ZNF559: variants seen among roughly 807,000 people sequenced by gnomAD.
The protein encoded by ZNF559 is zinc finger protein 559.
ZNF559 carries 17 observed loss-of-function variants against 14.2 expected under a neutral mutation model. That is an observed-to-expected ratio of 1.20 (90% CI 0.82 to 1.80). The LOEUF (loss-of-function observed/expected upper bound fraction) is 1.80, where lower values mean the gene tolerates loss of function less well. ZNF559 is among the 40% of genes most tolerant of loss of function. The pLI is 0.00. For missense variants in ZNF559, 740 were observed against 629.7 expected, an observed-to-expected ratio of 1.18 and a Z score of -1.88; for synonymous variants, 244 against 212.4, an observed-to-expected ratio of 1.15 and a Z score of -1.29.
At chr19:9,324,166 T>G (rs1381308560), upstream of ZNF559, 1 of 1,535,956 alleles carries the variant, frequency 6.5e-7, no homozygotes, top group Non-Finnish European at 8.7e-7. Flanking sequence ...GCGCGGCGTG[T>G]CTGCGTGGGC....
chr19:9,337,198 G>C (rs1177246829), intron 2 of ZNF559, among the ~76,000 whole-genome samples: 1 of 152,152 alleles, frequency 6.6e-6, no homozygotes, highest in Non-Finnish European at 1.5e-5. Context: ...CTTATGCCCA[G>C]CCCCTCAACA....
At chr19:9,338,167 C>G in intron 3 of ZNF559, 1 of 747,760 alleles carries the variant, frequency 1.3e-6, no homozygotes, top group Non-Finnish European at 2.2e-6. Flanking sequence ...GGTCTAAATC[C>G]TGGGATTTGG....
chr19:9,325,832 T>G (rs1021993325), intron 2 of ZNF559, among the ~76,000 whole-genome samples: 6 of 152,162 alleles, frequency 3.9e-5, no homozygotes, highest in Admixed American at 6.5e-5. Context: ...ATTCACTAGT[T>G]GTTAAGATTT....
In ZNF559 at chr19:9,341,124, CA is replaced by C. The variant is rs1290221254; in HGVS notation, c.186del (p.Lys62AsnfsTer39). ...CAGATTGGGAGAGTCATATTAATACCAAATGGTCAGCACCTCAGCAGAATTT... is the reference window on the plus strand; with the variant it reads ...CAGATTGGGAGAGTCATATTAATACCAATGGTCAGCACCTCAGCAGAATTT... The part of the protein sequence containing the change: ...AVDWESHINT[K>X]WSAPQQNFLQ... On this transcript the variant is annotated frameshift_variant, in exon 6 of 7. Transcript: ENST00000603380. LOFTEE classifies it high-confidence loss of function. 3 of 1,612,446 alleles carry C rather than the reference CA, an allele frequency of 1.9e-6. No individual in the cohort carries two copies. In the Admixed American group the frequency reaches 5.0e-5, roughly 27 times the overall value.
At position 9,330,732 on chromosome 19, in the gene ZNF559, G is replaced by A. The variant is rs561785504; in HGVS notation, c.-120+5952G>A. Among the ~76,000 whole-genome samples the A allele has an allele frequency of 4.6e-5, 7 of 152,184 alleles. No individual in the cohort carries two copies. In the South Asian group the frequency reaches 1.0e-3, roughly 23 times the overall value. ...TGACCTATAGTTATGTATCTCTGCT[G>A]TCATTTAACTCACTGATCTTTAAGA... On this transcript the variant is annotated intron_variant, in intron 2 of 6. Transcript: ENST00000603380.
rs2066484821 is a variant in ZNF559 at position 9,324,760 on chromosome 19, T to A, written c.-140T>A. 2.6e-6 allele frequency: 4 copies of A among 1,535,920 alleles called. No individual in the cohort carries two copies. Among genetic ancestry groups the A allele is most frequent in the African/African-American group, 2.7e-5 (2 of 73,136 alleles). On this transcript the variant is annotated 5_prime_UTR_variant, in exon 2 of 7. Transcript: ENST00000603380. ...TGGTGTCCTCCTGGCCTCAGCAACC[T>A]GACAATTCTGTCGTGTCCCGGTGAG...
upstream of ZNF559, chr19:9,323,914 C>T: frequency 1.8e-6 from 1 of 553,994 alleles, no homozygotes; most frequent in Middle Eastern, 4.8e-4. Context: ...TCAACAAATC[C>T]CAGCTCTTGT....
intron 4 of ZNF559, 64 bp from the exon 5 acceptor site, chr19:9,339,129 C>T: frequency 6.2e-7 from 1 of 1,607,226 alleles, no homozygotes; most frequent in Non-Finnish European, 8.5e-7. Context: ...CAAGGTCCCT[C>T]ATTCTCCAGT....
In ZNF559 at chr19:9,342,484, C is replaced by G; in HGVS notation, c.1033C>G (p.Arg345Gly). 2.5e-6 allele frequency: 4 copies of G among 1,613,802 alleles called. No individual in the cohort carries two copies. Among genetic ancestry groups the G allele is most frequent in the Non-Finnish European group, 2.5e-6 (3 of 1,179,936 alleles). Reference sequence around the variant, plus strand: ...TTCATCAGGTCTTATAAAACACAGGCGAACTCACACTGGAGAAAAGCCTTA... The same window carrying G: ...TTCATCAGGTCTTATAAAACACAGGGGAACTCACACTGGAGAAAAGCCTTA... Reference protein sequence around the residue: ...TDSSGLIKHRRTHTGEKPYEC... With the variant: ...TDSSGLIKHRGTHTGEKPYEC... Residue 345 changes from arginine (R) to glycine (G), a missense_variant, in exon 7 of 7, where the codon CGA becomes GGA. Arg to Gly is a moderately radical substitution (Grantham distance 125). Coordinates refer to ENST00000603380, the MANE Select transcript of ZNF559 (RefSeq NM_032497.3).
intron 5 of ZNF559, 115 bp downstream of exon 5, chr19:9,339,434 T>C (rs945074795): frequency 8.2e-6 from 10 of 1,219,446 alleles, no homozygotes; most frequent in Non-Finnish European, 1.1e-5. Flanking sequence ...GGCGAAACAT[T>C]GTTTCCATCT....
intron 2 of ZNF559, among the ~76,000 whole-genome samples, chr19:9,334,647 C>T (rs377322704): frequency 1.3e-5 from 2 of 152,116 alleles, no homozygotes; most frequent in African/African-American, 4.8e-5. Flanking sequence ...ATGCATTATA[C>T]CTTTGTAATT....
chr19:9,342,301 C>A lies in ZNF559; in HGVS notation c.850C>A (p.Leu284Ile). The change falls in exon 7 of 7, where the codon CTT becomes ATT. Residue 284 changes from leucine to isoleucine, a missense_variant. Transcript: ENST00000603380. ...FGKAFAFSPDLAKHIRLRTRG... is the reference protein window; with the variant it reads ...FGKAFAFSPDIAKHIRLRTRG... Reference sequence around the variant, plus strand: ...CAAAGCCTTTGCTTTTTCCCCAGATCTTGCTAAACATATAAGACTTAGAAC... The same window carrying A: ...CAAAGCCTTTGCTTTTTCCCCAGATATTGCTAAACATATAAGACTTAGAAC... 1 of 1,590,568 alleles carries A rather than the reference C, an allele frequency of 6.3e-7. No individual in the cohort carries two copies. The highest frequency in any genetic ancestry group is 1.2e-5 in the South Asian group (1 of 86,614).
At chr19:9,341,042 A>G in intron 5 of ZNF559, 60 bp from the exon 6 acceptor site, 1 of 1,369,448 alleles carries the variant, frequency 7.3e-7, no homozygotes, top group Non-Finnish European at 1.0e-6. Flanking sequence ...TGCATTTTTA[A>G]CACCCTTTTT....
rs1414073141 is a variant in ZNF559 at position 9,343,335 on chromosome 19, T to TA, written c.*268dup. On this transcript the variant is annotated 3_prime_UTR_variant, in exon 7 of 7. Transcript: ENST00000603380. ...TGAACGTAGGAAACCTGTCGATGCT[T>TA]ACATCTTACTGAGTCTGTTTGAACT... 1 of 1,224,182 alleles carries TA rather than the reference T, an allele frequency of 8.2e-7. No individual in the cohort carries two copies. Among genetic ancestry groups the TA allele is most frequent in the East Asian group, 4.0e-5 (1 of 24,724 alleles). The allele number at this position is 1,224,182 out of a possible 1,614,324, so 75.8% of individuals were successfully genotyped here. A position where few individuals can be genotyped will look rare whatever the true frequency, so the allele number is the denominator to read the frequency against.
rs922118573 is a variant in ZNF559 at position 9,343,538 on chromosome 19, T to C, written c.*470T>C. ...TAATATTCAGCTGTGATCTCACAAGTGTGAAAAATCTTATGAATGTAAAAT... is the reference window on the plus strand; with the variant it reads ...TAATATTCAGCTGTGATCTCACAAGCGTGAAAAATCTTATGAATGTAAAAT... On this transcript the variant is annotated 3_prime_UTR_variant, in exon 7 of 7. Transcript: ENST00000603380. 1 of 992,734 alleles carries C rather than the reference T, an allele frequency of 1.0e-6. No homozygotes were observed. The highest frequency in any genetic ancestry group is 1.2e-6 in the Non-Finnish European group (1 of 833,552). 61.5% of individuals were successfully genotyped at this position (992,734 alleles called of 1,614,324 possible).
At chr19:9,337,177 G>T (rs1464853428) in intron 2 of ZNF559, among the ~76,000 whole-genome samples, 1 of 152,158 alleles carries the variant, frequency 6.6e-6, no homozygotes, top group African/African-American at 2.4e-5. Context: ...GCACCTGAAT[G>T]ACTTCATACA....
At chr19:9,328,031 A>G (rs563696801) in intron 2 of ZNF559, among the ~76,000 whole-genome samples, 17 of 152,296 alleles carry the variant, frequency 1.1e-4, no homozygotes, top group African/African-American at 3.8e-4. Context: ...GTGGACATCT[A>G]GAATATGTAT....
chr19:9,341,647 A>T, intron 6 of ZNF559, 48 bp from the exon 7 acceptor site: 1 of 1,603,726 alleles, frequency 6.2e-7, no homozygotes, highest in Middle Eastern at 1.7e-4. Flanking sequence ...ATCTCAATGA[A>T]ATAAATTTGG....
In ZNF559 at chr19:9,342,230, T is replaced by C; in HGVS notation, c.779T>C (p.Leu260Ser). ...FTESSYLTQH[L>S]RTHSRVLPIE... is the part of the protein sequence containing the mutation. ...GAGTCGTCATATCTTACTCAACATTTAAGAACTCATAGTAGAGTGTTACCT... is the reference window on the plus strand; with the variant it reads ...GAGTCGTCATATCTTACTCAACATTCAAGAACTCATAGTAGAGTGTTACCT... Residue 260 changes from leucine (L) to serine (S), a missense_variant, in exon 7 of 7, where the codon TTA becomes TCA. Transcript: ENST00000603380. 1 of 1,587,358 alleles carries C rather than the reference T, an allele frequency of 6.3e-7. No individual in the cohort carries two copies. Among genetic ancestry groups the C allele is most frequent in the Non-Finnish European group, 8.5e-7 (1 of 1,171,228 alleles).
Sources: allele counts gnomAD v4.1 joint callset (sites outside exome capture counted in the v4.1 genomes callset), GRCh38; gene constraint gnomAD v4.1.1; transcripts MANE v1.5; gene names NCBI Gene and HGNC (gene_info 2026-07-23, HGNC 2026-07-21).